The following CDKL5 variants were observed in gnomAD, a reference collection of about 807,000 sequenced individuals.
CDKL5 encodes cyclin dependent kinase like 5, also known as cyclin-dependent kinase-like 5.
Under a neutral mutation model 61.7 loss-of-function variants are expected in CDKL5, and 8 were observed. The ratio of observed to expected loss-of-function variants is 0.13; its 90% CI spans 0.08 to 0.23. The LOEUF is 0.23. CDKL5 is among the 10% of genes least tolerant of loss of function. CDKL5 has a pLI of 1.00. For synonymous variants in CDKL5, 275 were observed against 272.3 expected, an observed-to-expected ratio of 1.01 and a Z score of -0.10; for missense variants, 440 against 734.5, an observed-to-expected ratio of 0.60 and a Z score of 4.63.
rs1441635460 is a variant in CDKL5, at chrX:18,476,979, A to C, written c.-162-29956A>C. ...GAGATGGAGTTTCACCATGTTGGCCAGGATGGTTTCGATCTCTTGACCTCG... is the reference window on the plus strand; with the variant it reads ...GAGATGGAGTTTCACCATGTTGGCCCGGATGGTTTCGATCTCTTGACCTCG... On this transcript the variant is annotated intron_variant, in intron 1 of 17. Coordinates refer to ENST00000623535, the MANE Select transcript of CDKL5 (RefSeq NM_001323289.2). Among the ~76,000 whole-genome samples the C allele has an allele frequency of 1.1e-4, 12 of 111,939 alleles. No individual in the cohort carries two copies. The East Asian group carries it at 3.4e-3, about 31-fold the overall frequency.
At chrX:18,555,509 G>T (rs1183191324) in intron 3 of CDKL5, among the ~76,000 whole-genome samples, 1 of 112,030 alleles carries the variant, frequency 8.9e-6, no homozygotes, top group African/African-American at 3.2e-5. Context: ...GGGAATGAAT[G>T]AAGTTTTATT....
At chrX:18,553,455 T>TGTGTGTGTGC (rs1924471037) in intron 3 of CDKL5, among the ~76,000 whole-genome samples, 1 of 103,399 alleles carries the variant, frequency 9.7e-6, no homozygotes, top group Admixed American at 1.0e-4. Flanking sequence ...AAGGCAGTTG[T>TGTGTGTGTGC]GTGTGTGTGC....
chrX:18,442,834 T>C (rs1931784293), intron 1 of CDKL5, among the ~76,000 whole-genome samples: 2 of 112,154 alleles, frequency 1.8e-5, no homozygotes, highest in African/African-American at 6.5e-5. Context: ...TGAAATTAGT[T>C]CAGCTCTTTT....
intron 1 of CDKL5, among the ~76,000 whole-genome samples, chrX:18,487,840 C>T (rs982083607): frequency 2.7e-4 from 30 of 110,766 alleles, no homozygotes; most frequent in Middle Eastern, 4.6e-3. Context: ...CTCTTGAACC[C>T]GGGAGGCGGA....
chrX:18,489,408 G>C (rs957180231), intron 1 of CDKL5, among the ~76,000 whole-genome samples: 1 of 110,235 alleles, frequency 9.1e-6, no homozygotes, highest in Non-Finnish European at 1.9e-5. Context: ...TGATCCTCCC[G>C]CCTCAGCCTC....
At chrX:18,510,148 TTTTGTTTG>T (rs768001344) in intron 2 of CDKL5, among the ~76,000 whole-genome samples, 2 of 110,801 alleles carry the variant, frequency 1.8e-5, no homozygotes, top group Non-Finnish European at 3.8e-5. Context: ...CTTAAGGTTT[TTTTGTTTG>T]TTTGTTTGTT....
chrX:18,557,149 T>C (rs904886039), intron 3 of CDKL5, among the ~76,000 whole-genome samples: 2 of 111,571 alleles, frequency 1.8e-5, no homozygotes, highest in South Asian at 3.7e-4. Context: ...TTGTAGACTA[T>C]AGATGGCCCT....
intron 3 of CDKL5, among the ~76,000 whole-genome samples, chrX:18,557,341 A>T (rs1924640853): frequency 8.9e-6 from 1 of 112,146 alleles, no homozygotes; most frequent in Non-Finnish European, 1.9e-5. Context: ...TAATCAAAAG[A>T]TAATTTAAAG....
chrX:18,494,727 G>A (rs772585248), intron 1 of CDKL5, among the ~76,000 whole-genome samples: 1 of 112,424 alleles, frequency 8.9e-6, no homozygotes, highest in Non-Finnish European at 1.9e-5. Flanking sequence ...AGGGTAGGGA[G>A]GCACATAACA....
At chrX:18,560,969 C>T (rs1470334411) in intron 3 of CDKL5, among the ~76,000 whole-genome samples, 1 of 111,744 alleles carries the variant, frequency 8.9e-6, no homozygotes, top group Non-Finnish European at 1.9e-5. Flanking sequence ...TCATTGTTCC[C>T]CATTTGATGC....
chrX:18,527,830 C>T (rs1251934294), intron 3 of CDKL5, among the ~76,000 whole-genome samples: 2 of 111,647 alleles, frequency 1.8e-5, no homozygotes, highest in African/African-American at 3.3e-5. Context: ...TTTCTAATAA[C>T]GCACTTGATG....
chrX:18,574,737 G>A (rs766308191), intron 4 of CDKL5, among the ~76,000 whole-genome samples: 1 of 111,760 alleles, frequency 8.9e-6, no homozygotes, highest in Admixed American at 9.5e-5. Context: ...TACAGCAGCT[G>A]CTGTTCAGAG....
At chrX:18,439,151 G>C (rs1338326821) in intron 1 of CDKL5, among the ~76,000 whole-genome samples, 1 of 100,613 alleles carries the variant, frequency 9.9e-6, no homozygotes, top group African/African-American at 3.7e-5. Flanking sequence ...TTACCCTATA[G>C]TTATGCCTGT....
chrX:18,536,433 T>C (rs1022942994), intron 3 of CDKL5, among the ~76,000 whole-genome samples: 2 of 3,022 alleles, frequency 6.6e-4, no homozygotes, highest in East Asian at 0.022. Context: ...TCAATACAGG[T>C]TTTTTTTTTT....
chrX:18,621,764 T>C (rs894469171), intron 16 of CDKL5, among the ~76,000 whole-genome samples: 1 of 111,844 alleles, frequency 8.9e-6, no homozygotes, highest in Non-Finnish European at 1.9e-5. Flanking sequence ...ACTTTTAAAG[T>C]GTCAAATCAA....
chrX:18,571,469 G>A (rs1384149001), intron 4 of CDKL5, among the ~76,000 whole-genome samples: 3 of 111,274 alleles, frequency 2.7e-5, no homozygotes, highest in East Asian at 5.7e-4. Context: ...AAGAATCCAC[G>A]GGGATTATTT....
At chrX:18,447,020 C>T (rs1931895152) in intron 1 of CDKL5, among the ~76,000 whole-genome samples, 1 of 111,725 alleles carries the variant, frequency 9.0e-6, no homozygotes, top group Admixed American at 9.6e-5. Flanking sequence ...CCTTCATTCT[C>T]CCCATTCTGT....
intron 1 of CDKL5, among the ~76,000 whole-genome samples, chrX:18,483,217 CTCT>C (rs1163370535): frequency 4.5e-5 from 5 of 111,551 alleles, no homozygotes; most frequent in Non-Finnish European, 7.5e-5. Context: ...ATCTTGAATC[CTCT>C]TCATTAGCCT....
At chrX:18,483,840 T>C (rs1921683813) in intron 1 of CDKL5, among the ~76,000 whole-genome samples, 1 of 111,974 alleles carries the variant, frequency 8.9e-6, no homozygotes, top group African/African-American at 3.2e-5. Context: ...CAATTGAAAA[T>C]AGCAGATAAC....
Sources: gnomAD v4.1 joint callset for allele counts (sites outside exome capture counted in the v4.1 genomes callset) on GRCh38, gnomAD v4.1.1 for gene constraint, MANE v1.5 for transcripts, NCBI Gene and HGNC (gene_info 2026-07-23, HGNC 2026-07-21) for gene names.